Variants in CYP2J2 observed in about 807,000 individuals in gnomAD.
CYP2J2 encodes the protein cytochrome P450 family 2 subfamily J member 2.
Under a neutral mutation model 48.8 loss-of-function variants are expected in CYP2J2, and 41 were observed. That is an observed-to-expected ratio of 0.84 (90% CI 0.66 to 1.09). The LOEUF (loss-of-function observed/expected upper bound fraction) is 1.09, where lower values mean the gene tolerates loss of function less well. CYP2J2 is among the 50% of genes least tolerant of loss of function. The probability of loss-of-function intolerance (pLI) is 0.00; values close to 1 mark genes in which losing one functional copy is unlikely to be tolerated. For missense variants in CYP2J2, 644 were observed against 617.3 expected, an observed-to-expected ratio of 1.04 and a Z score of -0.46; for synonymous variants, 221 against 227.1, an observed-to-expected ratio of 0.97 and a Z score of 0.24.
At chr1:59,907,009 C>G (rs986953342) in intron 6 of CYP2J2, among the ~76,000 whole-genome samples, 1 of 152,130 alleles carries the variant, frequency 6.6e-6, no homozygotes, top group Non-Finnish European at 1.5e-5. Flanking sequence ...TTCCCACCCC[C>G]ATATGTTCAA....
chr1:59,917,294 G>A (rs943464928), intron 1 of CYP2J2, among the ~76,000 whole-genome samples: 1 of 152,170 alleles, frequency 6.6e-6, no homozygotes, highest in Non-Finnish European at 1.5e-5. Context: ...GCATTCTTAT[G>A]GTGGCAAAGG....
intron 2 of CYP2J2, among the ~76,000 whole-genome samples, chr1:59,914,638 T>C (rs1326148005): frequency 1.3e-5 from 2 of 152,148 alleles, no homozygotes; most frequent in East Asian, 3.9e-4. Flanking sequence ...TCTCTAGTCT[T>C]GATAAACCAG....
the CYP2J2 span, among the ~76,000 whole-genome samples, chr1:59,946,827 A>C: frequency 1.3e-5 from 2 of 152,234 alleles, no homozygotes; most frequent in Non-Finnish European, 2.9e-5. Flanking sequence ...TGAAGATATA[A>C]TCTTTGAAAT....
chr1:59,938,312 G>A, the CYP2J2 span, among the ~76,000 whole-genome samples: 4 of 152,210 alleles, frequency 2.6e-5, no homozygotes, highest in South Asian at 2.1e-4. Context: ...CACTGGCACC[G>A]GTCTCTGAGT....
At chr1:59,939,411 T>C in the CYP2J2 span, among the ~76,000 whole-genome samples, 1 of 152,204 alleles carries the variant, frequency 6.6e-6, no homozygotes, top group African/African-American at 2.4e-5. Flanking sequence ...TCTTGTTCTC[T>C]GCTCTTAGTT....
intron 4 of CYP2J2, 26 bp from the exon 5 acceptor site, chr1:59,909,986 T>C (rs777347619): frequency 3.8e-6 from 6 of 1,565,836 alleles, no homozygotes; most frequent in Non-Finnish European, 5.2e-6. Context: ...AAAACAATCA[T>C]GCAGATAACA....
chr1:59,903,794 G>C (rs747648773), intron 7 of CYP2J2, among the ~76,000 whole-genome samples: 1 of 152,156 alleles, frequency 6.6e-6, no homozygotes, highest in South Asian at 2.1e-4. Context: ...AAGGGAGCAT[G>C]GTGTCTCACA....
chr1:59,967,018 T>C, the CYP2J2 span, among the ~76,000 whole-genome samples: 15 of 152,298 alleles, frequency 9.8e-5, no homozygotes, highest in East Asian at 1.9e-3. Flanking sequence ...ACTTTTACAA[T>C]GTATATCCAA....
At position 59,904,960 on chromosome 1, in the gene CYP2J2, C is replaced by T; in HGVS notation, c.1102G>A (p.Glu368Lys). 2 of 1,613,826 alleles carry T rather than the reference C, an allele frequency of 1.2e-6. No individual in the cohort carries two copies. The highest frequency in any genetic ancestry group is 1.1e-5 in the South Asian group (1 of 90,996). ...ATGATGTTGCCCATTCTCTGCACCTCATGGATGACAGCATTGGTGTAGGGC... is the reference window on the plus strand; with the variant it reads ...ATGATGTTGCCCATTCTCTGCACCTTATGGATGACAGCATTGGTGTAGGGC... ...SMPYTNAVIH[E>K]VQRMGNIIPL... Residue 368 changes from glutamate to lysine, a missense_variant, in exon 7 of 9, where the codon GAG becomes AAG. By Grantham distance (56) the Glu-to-Lys change is moderately conservative. Coordinates refer to ENST00000371204, the MANE Select transcript of CYP2J2 (RefSeq NM_000775.4).
chr1:59,926,965 G>A (rs575058289), upstream of CYP2J2, among the ~76,000 whole-genome samples: 34 of 152,220 alleles, frequency 2.2e-4, no homozygotes, highest in Non-Finnish European at 4.1e-4. Flanking sequence ...GAAAGCTCAT[G>A]GGTTTACTGA....
intron 8 of CYP2J2, among the ~76,000 whole-genome samples, chr1:59,895,073 C>T (rs569538349): frequency 6.6e-6 from 1 of 152,196 alleles, no homozygotes; most frequent in Non-Finnish European, 1.5e-5. Flanking sequence ...AAAAGAAAGA[C>T]ATTCTCCAAC....
the CYP2J2 span, among the ~76,000 whole-genome samples, chr1:59,951,698 G>A: frequency 4.6e-5 from 7 of 152,188 alleles, no homozygotes; most frequent in Admixed American, 3.9e-4. Context: ...AATGTATGGT[G>A]ACTGAAAGTA....
intron 4 of CYP2J2, 45 bp downstream of exon 4, chr1:59,911,563 G>A (rs763252088): frequency 2.0e-5 from 27 of 1,378,368 alleles, no homozygotes; most frequent in South Asian, 3.6e-5. Context: ...GGCTGACATC[G>A]GCCCCAATTT....
At chr1:59,949,360 A>G in the CYP2J2 span, among the ~76,000 whole-genome samples, 1 of 152,168 alleles carries the variant, frequency 6.6e-6, no homozygotes, top group African/African-American at 2.4e-5. Context: ...GACTCCTAGA[A>G]TTGACTGCTT....
intron 8 of CYP2J2, among the ~76,000 whole-genome samples, chr1:59,894,659 G>A (rs543592804): frequency 6.6e-6 from 1 of 152,310 alleles, no homozygotes; most frequent in Non-Finnish European, 1.5e-5. Context: ...TGTTTAAGAT[G>A]AGAACTTTAT....
the CYP2J2 span, among the ~76,000 whole-genome samples, chr1:59,953,028 T>C: frequency 8.5e-5 from 13 of 152,302 alleles, no homozygotes; most frequent in African/African-American, 2.4e-4. Flanking sequence ...AGTAAGACCA[T>C]AGAGTTAGAG....
chr1:59,947,863 A>G, the CYP2J2 span, among the ~76,000 whole-genome samples: 7 of 152,156 alleles, frequency 4.6e-5, no homozygotes, highest in Non-Finnish European at 5.9e-5. Context: ...TGCCCTATGC[A>G]TCCCTTTCTA....
At chr1:59,934,344 A>G in the CYP2J2 span, among the ~76,000 whole-genome samples, 1 of 152,174 alleles carries the variant, frequency 6.6e-6, no homozygotes, top group Non-Finnish European at 1.5e-5. Context: ...TGGATATAAC[A>G]TCAAAAGCAG....
the CYP2J2 span, among the ~76,000 whole-genome samples, chr1:59,950,821 TCTC>T: frequency 1.3e-5 from 2 of 152,060 alleles, no homozygotes; most frequent in African/African-American, 2.4e-5. Flanking sequence ...GCACCTCAAT[TCTC>T]CTCCACATGT....
Sources: allele counts gnomAD v4.1 joint callset (sites outside exome capture counted in the v4.1 genomes callset), GRCh38; gene constraint gnomAD v4.1.1; transcripts MANE v1.5; gene names NCBI Gene and HGNC (gene_info 2026-07-23, HGNC 2026-07-21).